Variants in DSCAML1 observed in about 807,000 individuals in gnomAD.
DSCAML1 encodes DS cell adhesion molecule like 1, also known as cell adhesion molecule DSCAML1.
A neutral mutation model predicts 200.5 loss-of-function variants in DSCAML1; 38 were observed. That is an observed-to-expected ratio of 0.19 (90% confidence interval 0.15 to 0.25). The LOEUF (loss-of-function observed/expected upper bound fraction) is 0.25. DSCAML1 is among the 10% of genes least tolerant of loss of function. The probability of loss-of-function intolerance (pLI) is 1.00; values close to 1 mark genes in which losing one functional copy is unlikely to be tolerated. For synonymous variants in DSCAML1, 1,215 were observed against 1,165.0 expected (o/e 1.04, Z -0.87); for missense variants, 2,223 against 2,858.8 (o/e 0.78, Z 5.07).
intron 4 of DSCAML1, among the ~76,000 whole-genome samples, chr11:117,529,861 C>T (rs948996372): frequency 6.6e-6 from 1 of 152,142 alleles, no homozygotes; most frequent in Non-Finnish European, 1.5e-5. Flanking sequence ...GGGCTCCACA[C>T]AGTGCCAACC....
chr11:117,781,921 AC>A (rs2055271568), intron 1 of DSCAML1, among the ~76,000 whole-genome samples: 1 of 152,214 alleles, frequency 6.6e-6, no homozygotes, highest in Non-Finnish European at 1.5e-5. Context: ...TATCCCAGCA[AC>A]CCTGAATGTT....
chr11:117,525,181 C>A, intron 4 of DSCAML1, 98 bp from the exon 5 acceptor site: 1 of 1,372,146 alleles, frequency 7.3e-7, no homozygotes, highest in South Asian at 1.5e-5. Context: ...AGCCTGCTGC[C>A]CACTGGCGCC....
At chr11:117,481,384 G>T in intron 12 of DSCAML1, 114 bp from the exon 13 acceptor site, 1 of 1,000,960 alleles carries the variant, frequency 1.0e-6, no homozygotes, top group Non-Finnish European at 1.5e-6. Context: ...GTTCTGGGAG[G>T]GGGACCCACA....
chr11:117,689,168 G>A (rs536848334), intron 3 of DSCAML1, among the ~76,000 whole-genome samples: 2 of 152,334 alleles, frequency 1.3e-5, no homozygotes, highest in South Asian at 4.1e-4. Context: ...CAGAGGCTAA[G>A]GAATTTGTAG....
At chr11:117,779,844 T>A (rs2134051038) in intron 2 of DSCAML1, among the ~76,000 whole-genome samples, 1 of 152,248 alleles carries the variant, frequency 6.6e-6, no homozygotes, top group South Asian at 2.1e-4. Context: ...TTAGTTGAAG[T>A]TTGTAAAATT....
At position 117,481,250 on chromosome 11, in the gene DSCAML1, C is replaced by T. The variant is rs773119725; in HGVS notation, c.2580G>A (p.Gly860=). ...CATGGCAGCTGAAGAACACAGAGTC[C>T]CCACGGTCAGCGGGCTTGAGCTGGG... The part of the protein sequence containing the change: ...STLKLKPADR[G]DSVFFSCHAI... Residue 860 remains glycine, a synonymous_variant, in exon 13 of 33, where the codon GGG becomes GGA. Coordinates refer to ENST00000651296, the MANE Select transcript of DSCAML1 (RefSeq NM_020693.4). 6.2e-7 allele frequency: 1 copy of T among 1,613,790 alleles called. No individual in the cohort carries two copies. The highest frequency in any genetic ancestry group is 1.1e-5 in the South Asian group (1 of 91,058).
chr11:117,515,610 C>CTTTTTTTT (rs56765238), intron 8 of DSCAML1, among the ~76,000 whole-genome samples: 8 of 65,114 alleles, frequency 1.2e-4, no homozygotes, highest in Admixed American at 3.8e-4. Flanking sequence ...AGGGACGAAG[C>CTTTTTTTT]TTTTTTTTTT....
intron 3 of DSCAML1, among the ~76,000 whole-genome samples, chr11:117,629,791 G>A (rs376542402): frequency 2.0e-5 from 3 of 152,136 alleles, no homozygotes; most frequent in Non-Finnish European, 2.9e-5. Flanking sequence ...AAGGCCAGGG[G>A]TTTGAGACCA....
chr11:117,432,389 T>C lies in DSCAML1; in HGVS notation c.5142A>G (p.Gly1714=), dbSNP rs764617306. 52 of 1,613,738 alleles carry C rather than the reference T, an allele frequency of 3.2e-5. 1 individual carries two copies. Among genetic ancestry groups the C allele is most frequent in the Middle Eastern group, 3.3e-4 (2 of 6,076 alleles). Residue 1714 remains glycine, a synonymous_variant, in exon 30 of 33, where the codon GGA becomes GGG. Transcript: ENST00000651296. Reference sequence around the variant, plus strand: ...GGATGTCAGACATGTCGATGAGGGGTCCTGTGCTCTGGATGAGGGTTGGGT... The same window carrying C: ...GGATGTCAGACATGTCGATGAGGGGCCCTGTGCTCTGGATGAGGGTTGGGT... ...LHHPTLIQST[G]PLIDMSDIRP... is the part of the protein sequence containing the mutation.
rs574393520 is a variant in DSCAML1 at position 117,717,313 on chromosome 11, C to T, written c.511+59478G>A. 3.3e-5 allele frequency among the ~76,000 whole-genome samples: 5 copies of T among 152,228 alleles called. No individual in the cohort carries two copies. The South Asian group carries it at 8.3e-4, about 25-fold the overall frequency. On this transcript the variant is annotated intron_variant, in intron 3 of 32. Transcript: ENST00000651296. ...TCAAGTATTCCATCCTACCCACCCT[C>T]GAAGGCCACCTCCTTCATGGAGCCT...
At chr11:117,752,480 T>G (rs1034454261) in intron 3 of DSCAML1, among the ~76,000 whole-genome samples, 1 of 152,178 alleles carries the variant, frequency 6.6e-6, no homozygotes, top group African/African-American at 2.4e-5. Context: ...CTAGATCCCC[T>G]AAGAAGCTTA....
At chr11:117,459,610 A>G (rs145305155) in intron 18 of DSCAML1, among the ~76,000 whole-genome samples, 1,996 of 152,326 alleles carry the variant, frequency 0.013, 41 homozygotes, top group South Asian at 0.017. Context: ...GGAGGACCCA[A>G]CGTCCCAGCC....
intron 3 of DSCAML1, among the ~76,000 whole-genome samples, chr11:117,676,131 A>G (rs1350589536): frequency 6.6e-6 from 1 of 152,138 alleles, no homozygotes; most frequent in East Asian, 1.9e-4. Flanking sequence ...TGGCAATATT[A>G]TCACAAATTG....
intron 3 of DSCAML1, among the ~76,000 whole-genome samples, chr11:117,689,106 C>T (rs1350826208): frequency 1.3e-5 from 2 of 152,194 alleles, no homozygotes; most frequent in African/African-American, 4.8e-5. Flanking sequence ...ACAACAGCTG[C>T]AGGACAGAGG....
chr11:117,763,347 G>T (rs2054839870), intron 3 of DSCAML1, among the ~76,000 whole-genome samples: 1 of 151,722 alleles, frequency 6.6e-6, no homozygotes, highest in African/African-American at 2.4e-5. Context: ...TGATCCCAGT[G>T]GGCAGCTGGG....
intron 3 of DSCAML1, among the ~76,000 whole-genome samples, chr11:117,676,988 G>T (rs1374702990): frequency 6.6e-6 from 1 of 152,142 alleles, no homozygotes; most frequent in Non-Finnish European, 1.5e-5. Flanking sequence ...GAGCCAGGAG[G>T]CCCGGAGACC....
At chr11:117,520,687 C>G (rs1456490678) in intron 6 of DSCAML1, among the ~76,000 whole-genome samples, 1 of 150,346 alleles carries the variant, frequency 6.7e-6, no homozygotes, top group Non-Finnish European at 1.5e-5. Context: ...CAGTTCAAGA[C>G]CAGCCTGAGC....
At chr11:117,621,660 G>T (rs1242131246) in intron 3 of DSCAML1, among the ~76,000 whole-genome samples, 2 of 152,180 alleles carry the variant, frequency 1.3e-5, no homozygotes, top group Non-Finnish European at 2.9e-5. Context: ...TTGGGGAAAA[G>T]AACTTAGCTA....
intron 3 of DSCAML1, among the ~76,000 whole-genome samples, chr11:117,766,185 G>A (rs765521352): frequency 3.9e-5 from 6 of 152,150 alleles, no homozygotes; most frequent in East Asian, 1.9e-4. Context: ...CCGCAGCACC[G>A]TCTCCACCAG....
Sources: gnomAD v4.1 joint callset for allele counts (sites outside exome capture counted in the v4.1 genomes callset) on GRCh38, gnomAD v4.1.1 for gene constraint, MANE v1.5 for transcripts, NCBI Gene and HGNC (gene_info 2026-07-23, HGNC 2026-07-21) for gene names.